Variants in LINGO2 observed in about 807,000 individuals in gnomAD.
LINGO2 encodes leucine rich repeat and Ig domain containing 2.
LINGO2 carries 14 observed loss-of-function variants against 30.6 expected under a neutral mutation model. The ratio of observed to expected loss-of-function variants is 0.46; its 90% CI spans 0.30 to 0.72. LINGO2 has a LOEUF of 0.72. Ranked by LOEUF, LINGO2 falls within the 30% of genes least tolerant of loss-of-function variation. LINGO2 has a pLI of 0.07. For synonymous variants in LINGO2, 317 were observed against 288.5 expected (o/e 1.10, Z -1.00); for missense variants, 729 against 751.7 (o/e 0.97, Z 0.35).
At chr9:28,847,006 C>T in the LINGO2 span, among the ~76,000 whole-genome samples, 2 of 147,644 alleles carry the variant, frequency 1.4e-5, no homozygotes, top group East Asian at 2.0e-4. Context: ...GATGATGGCT[C>T]TCAAAGCTTA....
the LINGO2 span, among the ~76,000 whole-genome samples, chr9:28,819,238 T>C: frequency 6.6e-6 from 1 of 152,140 alleles, no homozygotes; most frequent in Non-Finnish European, 1.5e-5. Context: ...CTCTTGCTCT[T>C]GTTGATCCTC....
chr9:28,732,809 G>T, the LINGO2 span, among the ~76,000 whole-genome samples: 1 of 151,644 alleles, frequency 6.6e-6, no homozygotes, highest in Non-Finnish European at 1.5e-5. Flanking sequence ...ATCTTCTCAT[G>T]CTATGAAATA....
At chr9:28,416,885 A>C (rs932539608) in intron 2 of LINGO2, among the ~76,000 whole-genome samples, 1 of 152,174 alleles carries the variant, frequency 6.6e-6, no homozygotes, top group African/African-American at 2.4e-5. Flanking sequence ...TTCCATACCT[A>C]CTTAGATGAA....
At chr9:28,416,582 C>A (rs938016556) in intron 2 of LINGO2, among the ~76,000 whole-genome samples, 44 of 152,120 alleles carry the variant, frequency 2.9e-4, no homozygotes, top group African/African-American at 1.1e-3. Context: ...AAATGAATTA[C>A]AATGAGTGAA....
chr9:28,255,605 A>C (rs1447200648), intron 4 of LINGO2, among the ~76,000 whole-genome samples: 1 of 152,094 alleles, frequency 6.6e-6, no homozygotes, highest in Admixed American at 6.6e-5. Flanking sequence ...TATTACGACT[A>C]TTCAAGATAT....
At chr9:28,297,054 C>T (rs1823948981) in intron 3 of LINGO2, among the ~76,000 whole-genome samples, 1 of 152,212 alleles carries the variant, frequency 6.6e-6, no homozygotes, top group East Asian at 1.9e-4. Context: ...ACTAGTGGAC[C>T]AGATGACAGG....
At chr9:29,010,151 C>T in the LINGO2 span, among the ~76,000 whole-genome samples, 1 of 152,126 alleles carries the variant, frequency 6.6e-6, no homozygotes, top group Non-Finnish European at 1.5e-5. Flanking sequence ...ACACCAAAAG[C>T]AATGGCAACA....
At chr9:29,134,234 A>G in the LINGO2 span, among the ~76,000 whole-genome samples, 1 of 152,170 alleles carries the variant, frequency 6.6e-6, no homozygotes, top group South Asian at 2.1e-4. Context: ...ATATCAATTT[A>G]TCAGTAATAA....
At chr9:28,352,080 A>G (rs1265331200) in intron 3 of LINGO2, among the ~76,000 whole-genome samples, 1 of 149,636 alleles carries the variant, frequency 6.7e-6, no homozygotes, top group Non-Finnish European at 1.5e-5. Flanking sequence ...ATTCCCTTTG[A>G]AAACTGGCAC....
intron 1 of LINGO2, among the ~76,000 whole-genome samples, chr9:28,626,855 T>C (rs1046209229): frequency 2.6e-5 from 4 of 151,914 alleles, no homozygotes; most frequent in African/African-American, 4.8e-5. Flanking sequence ...TCTTCCATTA[T>C]CTCTTCATTA....
the LINGO2 span, among the ~76,000 whole-genome samples, chr9:28,806,771 A>G: frequency 3.9e-5 from 6 of 152,110 alleles, no homozygotes; most frequent in East Asian, 1.9e-4. Flanking sequence ...TCATTTTTAC[A>G]TAATACACTG....
At chr9:29,093,219 A>ATT in the LINGO2 span, among the ~76,000 whole-genome samples, 11 of 133,606 alleles carry the variant, frequency 8.2e-5, 3 homozygotes, top group Middle Eastern at 8.3e-3. Context: ...TCCCTGTAGA[A>ATT]ACAACTCATA....
intron 3 of LINGO2, among the ~76,000 whole-genome samples, chr9:28,297,175 T>C (rs558357863): frequency 6.6e-6 from 1 of 152,292 alleles, no homozygotes; most frequent in African/African-American, 2.4e-5. Context: ...CCACTTCTCA[T>C]ACTTTGGTTC....
At chr9:28,484,049 G>T (rs1391646502) in intron 1 of LINGO2, among the ~76,000 whole-genome samples, 1 of 151,980 alleles carries the variant, frequency 6.6e-6, no homozygotes, top group African/African-American at 2.4e-5. Context: ...TTTAATTAGG[G>T]GTTCTAGTGT....
the LINGO2 span, among the ~76,000 whole-genome samples, chr9:28,724,112 G>T: frequency 6.6e-6 from 1 of 152,140 alleles, no homozygotes; most frequent in East Asian, 1.9e-4. Flanking sequence ...CAGAGTCAGA[G>T]ATTAGATCTA....
chr9:28,397,660 G>A (rs553818717), intron 2 of LINGO2, among the ~76,000 whole-genome samples: 82 of 146,640 alleles, frequency 5.6e-4, no homozygotes, highest in Non-Finnish European at 1.1e-3. Flanking sequence ...CCATTCTCCT[G>A]CCTCAGCCTC....
At chr9:28,318,883 TAAC>T (rs1200860009) in intron 3 of LINGO2, among the ~76,000 whole-genome samples, 2 of 152,174 alleles carry the variant, frequency 1.3e-5, no homozygotes, top group Non-Finnish European at 2.9e-5. Context: ...TTAATCCTCA[TAAC>T]AATAATCTTT....
chr9:28,368,208 C>T (rs1320454086), intron 3 of LINGO2, among the ~76,000 whole-genome samples: 1 of 152,070 alleles, frequency 6.6e-6, no homozygotes, highest in Non-Finnish European at 1.5e-5. Flanking sequence ...GTTCTTCTTT[C>T]ATGGTGTACA....
chr9:28,217,426 A>T (rs1470969284), intron 4 of LINGO2, among the ~76,000 whole-genome samples: 2 of 151,986 alleles, frequency 1.3e-5, no homozygotes, highest in South Asian at 4.1e-4. Flanking sequence ...CAAAAAAAAG[A>T]AAAAGAAAAT....
Sources: allele counts gnomAD v4.1 joint callset (sites outside exome capture counted in the v4.1 genomes callset), GRCh38; gene constraint gnomAD v4.1.1; transcripts MANE v1.5; gene names NCBI Gene and HGNC (gene_info 2026-07-23, HGNC 2026-07-21).